RGMB: variants seen among roughly 807,000 people sequenced by gnomAD.
RGMB encodes repulsive guidance molecule BMP co-receptor b.
A neutral mutation model predicts 26.9 loss-of-function variants in RGMB; 16 were observed. The ratio of observed to expected loss-of-function variants is 0.60; its 90% confidence interval spans 0.40 to 0.90. RGMB has a LOEUF of 0.90. Ranked by LOEUF, RGMB falls within the 40% of genes least tolerant of loss-of-function variation. The pLI, the probability that RGMB is intolerant of heterozygous loss-of-function variation, is 0.00. For missense variants in RGMB, 512 were observed against 573.3 expected, an observed-to-expected ratio of 0.89 and a Z score of 1.09; for synonymous variants, 225 against 229.3, an observed-to-expected ratio of 0.98 and a Z score of 0.17.
chr5:98,779,673 T>C lies in RGMB; in HGVS notation c.230T>C (p.Phe77Ser). ...CACCTGAACTCTGCCGTTGACGGCT[T>C]TGACTCTGAGTTTTGCAAGGCCTTG... ...TSHLNSAVDG[F>S]DSEFCKALRA... Residue 77 changes from phenylalanine (F) to serine (S), a missense_variant, in exon 2 of 3, where the codon TTT becomes TCT. Phe to Ser is a radical substitution (Grantham distance 155, BLOSUM62 -2). Coordinates refer to ENST00000513185, the MANE Select transcript of RGMB (RefSeq NM_001366508.1). The C allele has an allele frequency of 6.3e-7, 1 of 1,585,232 alleles. No individual in the cohort carries two copies. Among genetic ancestry groups the C allele is most frequent in the Non-Finnish European group, 8.6e-7 (1 of 1,162,880 alleles).
At chr5:98,782,713 A>T (rs1208880714) in intron 2 of RGMB, among the ~76,000 whole-genome samples, 1 of 152,070 alleles carries the variant, frequency 6.6e-6, no homozygotes, top group South Asian at 2.1e-4. Context: ...TCCCTTTAAC[A>T]CTGCACTGAA....
chr5:98,776,554 C>G (rs1316345534), intron 1 of RGMB, among the ~76,000 whole-genome samples: 1 of 151,820 alleles, frequency 6.6e-6, no homozygotes, highest in Non-Finnish European at 1.5e-5. Context: ...TGTGCGTTGT[C>G]GTTATAAATT....
In RGMB at chr5:98,774,211, G is replaced by T; in HGVS notation, c.136+5G>T. On this transcript the variant is annotated splice_donor_5th_base_variant and intron_variant, in intron 1 of 2. Coordinates refer to ENST00000513185, the MANE Select transcript of RGMB (RefSeq NM_001366508.1). ...GCCTCGGGCTGCTCCACGCAGGTAG[G>T]ACGGGAGCGCGCGAGGGGAGCCAGC... is the stretch of plus-strand genomic sequence containing the variant. The T allele has an allele frequency of 6.3e-6, 9 of 1,438,682 alleles. No individual in the cohort carries two copies. Among genetic ancestry groups the T allele is most frequent in the Non-Finnish European group, 8.2e-6 (9 of 1,104,230 alleles). 89.1% of individuals were successfully genotyped at this position (1,438,682 alleles called of 1,614,324 possible).
Position 98,779,822 on chromosome 5 carries a change from A to G in RGMB, c.379A>G (p.Thr127Ala). 1 of 1,614,056 alleles carries G rather than the reference A, an allele frequency of 6.2e-7. No individual in the cohort carries two copies. ...GAGGAATTGTTCCAAGGATGGACCC[A>G]CATCCTCTACCAACCCCGAAGTGAC... The part of the protein sequence containing the change: ...SQRNCSKDGP[T>A]SSTNPEVTHD... The change falls in exon 2 of 3, where the codon ACA (threonine) becomes GCA (alanine). Residue 127 changes from threonine (T) to alanine (A), a missense_variant. Thr to Ala is a moderately conservative substitution (Grantham distance 58, BLOSUM62 0). Coordinates refer to ENST00000513185, the MANE Select transcript of RGMB (RefSeq NM_001366508.1).
In RGMB at chr5:98,795,952, T is replaced by TATCA. The variant is rs1215304697; in HGVS notation, c.*2200_*2203dup. 6.6e-6 allele frequency: 1 copy of TATCA among 152,220 alleles called. No individual in the cohort carries two copies. The highest frequency in any genetic ancestry group is 1.5e-5 in the Non-Finnish European group (1 of 68,032). 9.4% of individuals were successfully genotyped at this position (152,220 alleles called of 1,614,324 possible). A position where few individuals can be genotyped will look rare whatever the true frequency, so the allele number is the denominator to read the frequency against. ...AAAAGAAGATTGGGTTATTTTGCCA[T>TATCA]ATCATTTAGCTGGAAGTGACATTTA... On this transcript the variant is annotated 3_prime_UTR_variant, in exon 3 of 3. Coordinates refer to ENST00000513185, the MANE Select transcript of RGMB (RefSeq NM_001366508.1).
chr5:98,787,995 G>C (rs1188336189), intron 2 of RGMB, among the ~76,000 whole-genome samples: 1 of 152,132 alleles, frequency 6.6e-6, no homozygotes, highest in Non-Finnish European at 1.5e-5. Flanking sequence ...TACCCCTTCA[G>C]CAGCCAAGGC....
upstream of RGMB, chr5:98,773,514 G>T: frequency 6.0e-6 from 1 of 166,608 alleles, no homozygotes; most frequent in Non-Finnish European, 1.3e-5. Flanking sequence ...CCTGCGATTG[G>T]CAGGCTGAGT....
At chr5:98,787,691 A>G (rs775839590) in intron 2 of RGMB, among the ~76,000 whole-genome samples, 69 of 152,210 alleles carry the variant, frequency 4.5e-4, no homozygotes, top group Admixed American at 2.2e-3. Context: ...ACCAAGACTT[A>G]CAGGACAAAG....
At chr5:98,792,549 C>G (rs764554053) in intron 2 of RGMB, among the ~76,000 whole-genome samples, 1 of 151,822 alleles carries the variant, frequency 6.6e-6, no homozygotes, top group Admixed American at 6.6e-5. Flanking sequence ...GCCTGGGCAA[C>G]GTAGTGAGGA....
At position 98,779,629 on chromosome 5, in the gene RGMB, C is replaced by G. The variant is rs1746523392; in HGVS notation, c.186C>G (p.Asp62Glu). The change falls in exon 2 of 3, where the codon GAC becomes GAG. Residue 62 changes from aspartate (D) to glutamate (E), a missense_variant. By Grantham distance (45) the Asp-to-Glu change is conservative. Coordinates refer to ENST00000513185, the MANE Select transcript of RGMB (RefSeq NM_001366508.1). ...GTCGAATCCAGAAATGCACCACGGA[C>G]TTCGTGTCCCTGACTTCTCACCTGA... ...AQCRIQKCTT[D>E]FVSLTSHLNS... 1 of 1,535,016 alleles carries G rather than the reference C, an allele frequency of 6.5e-7. No homozygotes were observed. The highest frequency in any genetic ancestry group is 2.3e-5 in the East Asian group (1 of 44,120).
rs1013700989 is a variant in RGMB, at chr5:98,773,861, C to T, written c.-210C>T. 3.9e-5 allele frequency: 19 copies of T among 493,314 alleles called. No individual in the cohort carries two copies. The highest frequency in any genetic ancestry group is 1.0e-4 in the South Asian group (3 of 30,036). 30.6% of individuals were successfully genotyped at this position (493,314 alleles called of 1,614,324 possible). Reference sequence around the variant, plus strand: ...GCCTCCGGCCGCCACGATGCCCCTGCGCCCCGCTGCTGCCGCCGCGGACTG... The same window carrying T: ...GCCTCCGGCCGCCACGATGCCCCTGTGCCCCGCTGCTGCCGCCGCGGACTG... On this transcript the variant is annotated 5_prime_UTR_variant, in exon 1 of 3. Transcript: ENST00000513185.
At position 98,793,751 on chromosome 5, in the gene RGMB, T is replaced by G; in HGVS notation, c.1312T>G (p.Ter438GluextTer17). The G allele has an allele frequency of 1.3e-6, 2 of 1,549,144 alleles. No individual in the cohort carries two copies. Among genetic ancestry groups the G allele is most frequent in the Non-Finnish European group, 1.7e-6 (2 of 1,146,128 alleles). ...CTGCTTGATCCTTATCGTGTTTTTG[T>G]AGGGGTTGTCTTTTGTTTTGGTTTT... Reference protein sequence around the residue: ...LTCLILIVFL* With the variant: ...LTCLILIVFLE Residue 438 changes from the stop codon to glutamate, a stop_lost, in exon 3 of 3, where the codon TAG (stop) becomes GAG (glutamate). Transcript: ENST00000513185.
At chr5:98,781,584 T>C (rs1231534523) in intron 2 of RGMB, among the ~76,000 whole-genome samples, 1 of 152,198 alleles carries the variant, frequency 6.6e-6, no homozygotes, top group Non-Finnish European at 1.5e-5. Flanking sequence ...TTTGGGTAAC[T>C]GAAAGAAGGC....
intron 2 of RGMB, among the ~76,000 whole-genome samples, chr5:98,790,841 G>A (rs1057140302): frequency 1.3e-5 from 2 of 152,200 alleles, no homozygotes; most frequent in Non-Finnish European, 2.9e-5. Flanking sequence ...TCTTTGAGTA[G>A]ATGTTACAGG....
chr5:98,790,190 T>G (rs1243514930), intron 2 of RGMB, among the ~76,000 whole-genome samples: 1 of 152,210 alleles, frequency 6.6e-6, no homozygotes, highest in African/African-American at 2.4e-5. Flanking sequence ...TTACATTGAT[T>G]ATATCTCTAG....
intron 2 of RGMB, among the ~76,000 whole-genome samples, chr5:98,783,482 G>T (rs1453565761): frequency 6.6e-6 from 1 of 152,188 alleles, no homozygotes; most frequent in Non-Finnish European, 1.5e-5. Flanking sequence ...ACAGGCTCCA[G>T]AGAGGGCACA....
At chr5:98,784,002 CTG>C (rs547357204) in intron 2 of RGMB, among the ~76,000 whole-genome samples, 85 of 151,858 alleles carry the variant, frequency 5.6e-4, no homozygotes, top group African/African-American at 1.9e-3. Context: ...GGAGTGGAGA[CTG>C]GGGATGACAA....
In RGMB at chr5:98,793,094, A is replaced by G. The variant is rs1746984509; in HGVS notation, c.655A>G (p.Ile219Val). ...SATATNKITIIFKAHHECTDQ... is the reference protein window; with the variant it reads ...SATATNKITIVFKAHHECTDQ... ...ATGCTCCTTCCCACAGATCACTATT[A>G]TCTTCAAAGCCCACCATGAGTGTAC... The change falls in exon 3 of 3, where the codon ATC (isoleucine) becomes GTC (valine). Residue 219 changes from isoleucine to valine, a missense_variant. Transcript: ENST00000513185. 6.2e-7 allele frequency: 1 copy of G among 1,601,664 alleles called. No individual in the cohort carries two copies. The highest frequency in any genetic ancestry group is 8.5e-7 in the Non-Finnish European group (1 of 1,171,190).
At chr5:98,769,225 T>G (rs1220997699), upstream of RGMB, 5 of 145,608 alleles carry the variant, frequency 3.4e-5, no homozygotes, top group African/African-American at 5.2e-5. Context: ...ATGAGCCGGA[T>G]AGCGCCGGCA....
Sources: gnomAD v4.1 joint callset for allele counts (sites outside exome capture counted in the v4.1 genomes callset) on GRCh38, gnomAD v4.1.1 for gene constraint, MANE v1.5 for transcripts, NCBI Gene and HGNC (gene_info 2026-07-23, HGNC 2026-07-21) for gene names.